PSTK: variants seen among roughly 807,000 people sequenced by gnomAD.
PSTK encodes phosphoseryl-tRNA kinase.
Under a neutral mutation model 38.6 loss-of-function variants are expected in PSTK, and 26 were observed. The observed-to-expected ratio is 0.67, with a 90% CI of 0.49 to 0.94. The LOEUF is 0.94. Ranked by LOEUF, PSTK falls within the 40% of genes least tolerant of loss-of-function variation. The probability of loss-of-function intolerance (pLI) is 0.00; values close to 1 mark genes in which losing one functional copy is unlikely to be tolerated. For missense variants in PSTK, 445 were observed against 436.3 expected (o/e 1.02, Z -0.18); for synonymous variants, 181 against 161.7 (o/e 1.12, Z -0.91).
rs748612524 is a variant in PSTK at position 122,986,917 on chromosome 10, CAG to C, written c.834_835del (p.Gln278HisfsTer16). On this transcript the variant is annotated frameshift_variant, in exon 5 of 6. Coordinates refer to ENST00000406217, the MANE Select transcript of PSTK (RefSeq NM_001363531.2). LOFTEE classifies it high-confidence loss of function. Reference sequence around the variant, plus strand: ...AACTAACATTCTTCATAAAACTGATCAGACACTCCGAAGGATTGTATCTCAGA... The same window carrying C: ...AACTAACATTCTTCATAAAACTGATCACACTCCGAAGGATTGTATCTCAGA... The part of the protein sequence containing the change: ...CSTNILHKTD[Q>X]TLRRIVSQTM... The C allele has an allele frequency of 5.1e-5, 83 of 1,612,584 alleles. No individual in the cohort carries two copies. The highest frequency in any genetic ancestry group is 7.0e-5 in the Non-Finnish European group (83 of 1,178,870).
chr10:122,986,307 G>A lies in PSTK; in HGVS notation c.715G>A (p.Val239Met). The A allele has an allele frequency of 6.2e-7, 1 of 1,604,274 alleles. No individual in the cohort carries two copies. The highest frequency in any genetic ancestry group is 8.5e-7 in the Non-Finnish European group (1 of 1,173,692). Residue 239 changes from valine (V) to methionine (M), a missense_variant, in exon 4 of 6, where the codon GTG (valine) becomes ATG (methionine). Val to Met is a conservative substitution (Grantham distance 21, BLOSUM62 1). Transcript: ENST00000406217. ...ATCCCATTTTCTCTGTAGCCTGGAA[G>A]TGACTGATTTATTGCTCACTGCTTT... ...PACASEASLE[V>M]TDLLLTALEN...
intron 5 of PSTK, among the ~76,000 whole-genome samples, chr10:122,988,272 T>C (rs960398177): frequency 1.1e-4 from 17 of 152,170 alleles, no homozygotes; most frequent in Admixed American, 5.2e-4. Context: ...CCATTTGCCT[T>C]TCTTCTTTTC....
At chr10:122,982,417 CA>C (rs1402138797) in intron 1 of PSTK, 2 of 264,550 alleles carry the variant, frequency 7.6e-6, no homozygotes, top group East Asian at 1.5e-4. Context: ...GAAGTGTAAA[CA>C]AATGCTTAAA....
intron 5 of PSTK, chr10:122,987,215 G>A (rs772787318): frequency 5.1e-6 from 7 of 1,370,866 alleles, no homozygotes; most frequent in South Asian, 2.8e-5. Flanking sequence ...TCGGCAGGGA[G>A]CAGAACATTC....
intron 5 of PSTK, among the ~76,000 whole-genome samples, chr10:122,987,918 A>G (rs1484045774): frequency 6.6e-6 from 1 of 152,216 alleles, no homozygotes; most frequent in African/African-American, 2.4e-5. Context: ...GCTCCCCTGC[A>G]TCACCATCAT....
intron 1 of PSTK, chr10:122,982,133 A>G (rs1278486821): frequency 1.3e-5 from 2 of 152,140 alleles, no homozygotes; most frequent in African/African-American, 4.8e-5. Flanking sequence ...TCCCCATCCC[A>G]TATCAACTCA....
intron 1 of PSTK, chr10:122,982,490 GA>G: frequency 1.9e-6 from 1 of 515,962 alleles, no homozygotes; most frequent in South Asian, 2.5e-5. Context: ...ATGGGCAAGG[GA>G]GAGGCTGAGC....
intron 5 of PSTK, among the ~76,000 whole-genome samples, chr10:122,989,185 C>CG (rs978500424): frequency 3.7e-4 from 6 of 16,324 alleles, no homozygotes; most frequent in East Asian, 8.3e-4. Context: ...AGATGGGGGG[C>CG]GGGGGGTGGG....
At chr10:122,988,742 G>A (rs1280513780) in intron 5 of PSTK, among the ~76,000 whole-genome samples, 1 of 152,178 alleles carries the variant, frequency 6.6e-6, no homozygotes, top group Non-Finnish European at 1.5e-5. Flanking sequence ...TTGAGGATGT[G>A]TAGAAATGTT....
chr10:122,989,069 G>A (rs1012954837), intron 5 of PSTK, among the ~76,000 whole-genome samples: 2 of 151,864 alleles, frequency 1.3e-5, no homozygotes, highest in Admixed American at 6.6e-5. Context: ...ATGATGCAAA[G>A]TGCAAGAAGT....
chr10:122,980,508 C>G lies in PSTK; in HGVS notation c.29C>G (p.Thr10Ser). 1 of 1,608,460 alleles carries G rather than the reference C, an allele frequency of 6.2e-7. No homozygotes were observed. The highest frequency in any genetic ancestry group is 8.5e-7 in the Non-Finnish European group (1 of 1,179,172). ...AAGACCGCCGAGAACATCAGAGGAA[C>G]CGGCAGCGACGGGCCGCGGAAACGA... MKTAENIRG[T>S]GSDGPRKRGL... Residue 10 changes from threonine to serine, a missense_variant, in exon 1 of 6, where the codon ACC becomes AGC. By Grantham distance (58) the Thr-to-Ser change is moderately conservative. Transcript: ENST00000406217. This position sits in a 1 kb window ranked among gnomAD's most constrained non-coding sequence, Gnocchi z 4.3.
chr10:122,987,385 C>T (rs1355554612), intron 5 of PSTK: 28 of 1,613,954 alleles, frequency 1.7e-5, no homozygotes, highest in Non-Finnish European at 2.0e-5. Flanking sequence ...TGGGTAAGAG[C>T]GAACCATGCA....
Position 122,982,913 on chromosome 10 carries a change from T to G in PSTK, c.397T>G (p.Ser133Ala). Residue 133 changes from serine to alanine, a missense_variant, in exon 2 of 6, where the codon TCT (serine) becomes GCT (alanine). Coordinates refer to ENST00000406217, the MANE Select transcript of PSTK (RefSeq NM_001363531.2). ...ATTTTCTGCAGCATTTGAGGCCCAG[T>G]CTTGCTACCTCTTAACAAAAACTGC... Reference protein sequence around the residue: ...LIFSAAFEAQSCYLLTKTAVS... With the variant: ...LIFSAAFEAQACYLLTKTAVS... 1 of 1,614,240 alleles carries G rather than the reference T, an allele frequency of 6.2e-7. No homozygotes were observed.
At position 122,990,282 on chromosome 10, in the gene PSTK, T is replaced by C. The variant is rs1177850561; in HGVS notation, c.986T>C (p.Phe329Ser). The C allele has an allele frequency of 5.8e-6, 9 of 1,539,232 alleles. No homozygotes were observed. Among genetic ancestry groups the C allele is most frequent in the Non-Finnish European group, 7.9e-6 (9 of 1,142,968 alleles). Reference protein sequence around the residue: ...LKQGNKKYLCFQQTIDIPDVI... With the variant: ...LKQGNKKYLCSQQTIDIPDVI... The stretch of plus-strand genomic sequence containing the variant: ...CAAGGAAACAAAAAATATCTGTGCT[T>C]TCAGCAAACCATTGACATACCAGAT... The change falls in exon 6 of 6, where the codon TTT becomes TCT. Residue 329 changes from phenylalanine (F) to serine (S), a missense_variant. Transcript: ENST00000406217.
chr10:122,982,714 A>G lies in PSTK; in HGVS notation c.217-19A>G. The G allele has an allele frequency of 1.2e-6, 2 of 1,610,942 alleles. No individual in the cohort carries two copies. Among genetic ancestry groups the G allele is most frequent in the African/African-American group, 1.3e-5 (1 of 74,954 alleles). On this transcript the variant is annotated intron_variant, in intron 1 of 5. Coordinates refer to ENST00000406217, the MANE Select transcript of PSTK (RefSeq NM_001363531.2). ...CCCTAGTGGCCTAATATGAATTGCA[A>G]TTCTTTGGTCTCTTGTAGCCATCCC...
Position 122,980,726 on chromosome 10 carries a change from G to GGGGCGGGGCA in PSTK, c.216+40_216+41insAGGGCGGGGC. The GGGGCGGGGCA allele has an allele frequency of 1.3e-6, 1 of 784,892 alleles. No homozygotes were observed. Among genetic ancestry groups the GGGGCGGGGCA allele is most frequent in the Non-Finnish European group, 1.7e-6 (1 of 605,868 alleles). The allele number at this position is 784,892 out of a possible 1,614,324, so 48.6% of individuals were successfully genotyped here. ...CACGGAGGGGCGGGGCCTGGGCCGC[G>GGGGCGGGGCA]GGGCGGGGCGGGGCGGGGCGGGGCG... On this transcript the variant is annotated intron_variant, in intron 1 of 5. Coordinates refer to ENST00000406217, the MANE Select transcript of PSTK (RefSeq NM_001363531.2). The surrounding 1 kb of genome is among the most constrained non-coding windows in gnomAD (Gnocchi z 4.3).
Position 122,987,477 on chromosome 10 carries a change from G to A in PSTK, c.877+515G>A, listed in dbSNP as rs746249699. 1.7e-5 allele frequency: 28 copies of A among 1,613,954 alleles called. No homozygotes were observed. The Admixed American group carries it at 1.8e-4, about 11-fold the overall frequency. ...TGGCTGGTTGCAGTGTTGCAGAATC[G>A]AGAAGAGGCCATTGAGCACGGGGTG... On this transcript the variant is annotated intron_variant, in intron 5 of 5. Transcript: ENST00000406217.
chr10:122,989,185 C>CA (rs2133362216), intron 5 of PSTK, among the ~76,000 whole-genome samples: 1 of 16,308 alleles, frequency 6.1e-5, no homozygotes, highest in Admixed American at 7.1e-4. Flanking sequence ...AGATGGGGGG[C>CA]GGGGGGTGGG....
At chr10:122,984,763 G>C (rs918039278) in intron 3 of PSTK, 2 of 152,232 alleles carry the variant, frequency 1.3e-5, no homozygotes, top group Non-Finnish European at 2.9e-5. Context: ...ATGAAAATTA[G>C]CTAGTGATCA....
Sources: allele counts gnomAD v4.1 joint callset (sites outside exome capture counted in the v4.1 genomes callset), GRCh38; gene constraint gnomAD v4.1.1; non-coding constraint Gnocchi (gnomAD v3.1); transcripts MANE v1.5; gene names NCBI Gene and HGNC (gene_info 2026-07-23, HGNC 2026-07-21).